Variants in PPP3R1 observed in about 807,000 individuals in gnomAD.
The protein encoded by PPP3R1 is protein phosphatase 3 regulatory subunit B, alpha.
PPP3R1 carries 5 observed loss-of-function variants against 22.6 expected under a neutral mutation model. The ratio of observed to expected loss-of-function variants is 0.22; its 90% CI spans 0.12 to 0.46. The LOEUF is 0.46. Ranked by LOEUF, PPP3R1 falls within the 20% of genes least tolerant of loss-of-function variation. The pLI, the probability that PPP3R1 is intolerant of heterozygous loss-of-function variation, is 0.99. For missense variants in PPP3R1, 61 were observed against 203.2 expected (o/e 0.30, Z 4.25); for synonymous variants, 56 against 65.2 (o/e 0.86, Z 0.68).
At chr2:68,184,693 C>A (rs1399911975) in intron 5 of PPP3R1, among the ~76,000 whole-genome samples, 1 of 152,186 alleles carries the variant, frequency 6.6e-6, no homozygotes, top group Non-Finnish European at 1.5e-5. Context: ...GTTACAAGCG[C>A]TTGATCAATG....
chr2:68,226,571 A>AAT (rs1183780907), intron 1 of PPP3R1, among the ~76,000 whole-genome samples: 3 of 152,178 alleles, frequency 2.0e-5, no homozygotes, highest in Admixed American at 6.5e-5. Flanking sequence ...AATCTTACAG[A>AAT]ATCATGAGAC....
chr2:68,211,922 T>C (rs770377520), intron 2 of PPP3R1, among the ~76,000 whole-genome samples: 33 of 152,288 alleles, frequency 2.2e-4, no homozygotes, highest in Admixed American at 1.2e-3. Context: ...TTCTATCACA[T>C]CTGCAGTTAT....
rs954029852 is a variant in PPP3R1 at position 68,180,647 on chromosome 2, GTATA to G, written c.*312_*315del. On this transcript the variant is annotated 3_prime_UTR_variant, in exon 6 of 6. Coordinates refer to ENST00000234310, the MANE Select transcript of PPP3R1 (RefSeq NM_000945.4). ...TATCTATATATAAATATTTACATAT[GTATA>G]TATAGATACTTTCTTGTTATAAAAG... 1 of 188,696 alleles carries G rather than the reference GTATA, an allele frequency of 5.3e-6. No individual in the cohort carries two copies. Among genetic ancestry groups the G allele is most frequent in the Admixed American group, 5.8e-5 (1 of 17,238 alleles). 11.7% of individuals were successfully genotyped at this position (188,696 alleles called of 1,614,324 possible). A position where few individuals can be genotyped will look rare whatever the true frequency, so the allele number is the denominator to read the frequency against.
intron 4 of PPP3R1, 71 bp from the exon 5 acceptor site, chr2:68,186,723 A>G: frequency 7.6e-7 from 1 of 1,321,082 alleles, no homozygotes; most frequent in Admixed American, 2.4e-5. Context: ...GTAAGAAAGA[A>G]AATAGTAAAC....
At chr2:68,221,283 T>C (rs538044422) in intron 1 of PPP3R1, among the ~76,000 whole-genome samples, 9 of 151,668 alleles carry the variant, frequency 5.9e-5, no homozygotes, top group African/African-American at 1.9e-4. Context: ...TGAGCAGAGA[T>C]TGCACCACTG....
chr2:68,231,961 T>C (rs1669909880), intron 1 of PPP3R1, among the ~76,000 whole-genome samples: 1 of 151,526 alleles, frequency 6.6e-6, no homozygotes, highest in African/African-American at 2.4e-5. Context: ...GCCAATCTAA[T>C]CTTAAGATCT....
intron 5 of PPP3R1, among the ~76,000 whole-genome samples, chr2:68,183,886 T>C (rs1018113934): frequency 6.6e-6 from 1 of 152,168 alleles, no homozygotes; most frequent in Admixed American, 6.5e-5. Context: ...AGCTATACTT[T>C]GAATGATCTG....
chr2:68,223,350 C>T (rs562255001), intron 1 of PPP3R1, among the ~76,000 whole-genome samples: 1 of 152,226 alleles, frequency 6.6e-6, no homozygotes. Context: ...GAGCTGAGAT[C>T]ACGCCACTAC....
At position 68,252,190 on chromosome 2, in the gene PPP3R1, G is replaced by A. The variant is rs1670380369; in HGVS notation, c.-63C>T. The A allele has an allele frequency of 6.9e-6, 9 of 1,300,266 alleles. No individual in the cohort carries two copies. The highest frequency in any genetic ancestry group is 3.1e-5 in the African/African-American group (2 of 65,108). The allele number at this position is 1,300,266 out of a possible 1,614,324, so 80.5% of individuals were successfully genotyped here. ...TCGGAGAAGTGTTGCGCTCAGGCTG[G>A]CTCGCAGGAAACGGCGGCGGCGGCC... On this transcript the variant is annotated 5_prime_UTR_variant, in exon 1 of 6. Coordinates refer to ENST00000234310, the MANE Select transcript of PPP3R1 (RefSeq NM_000945.4).
chr2:68,229,027 TG>T (rs940778347), intron 1 of PPP3R1, among the ~76,000 whole-genome samples: 1 of 152,116 alleles, frequency 6.6e-6, no homozygotes, highest in Non-Finnish European at 1.5e-5. Flanking sequence ...TTATGTTTTC[TG>T]GGGGGTTTTC....
rs569801745 is a variant in PPP3R1, at chr2:68,252,155, G to C, written c.-28C>G. On this transcript the variant is annotated 5_prime_UTR_variant, in exon 1 of 6. Transcript: ENST00000234310. ...TGCTCGGCGGGTCGGCGGCTCGCTG[G>C]CTCGCTGGCTCGGAGAAGTGTTGCG... 7.1e-6 allele frequency: 10 copies of C among 1,412,350 alleles called. No individual in the cohort carries two copies. The highest frequency in any genetic ancestry group is 9.4e-6 in the Non-Finnish European group (10 of 1,061,894). The allele number at this position is 1,412,350 out of a possible 1,614,324, so 87.5% of individuals were successfully genotyped here. A position where few individuals can be genotyped will look rare whatever the true frequency, so the allele number is the denominator to read the frequency against.
At chr2:68,200,272 C>T (rs1674947936) in intron 2 of PPP3R1, among the ~76,000 whole-genome samples, 1 of 152,146 alleles carries the variant, frequency 6.6e-6, no homozygotes, top group Non-Finnish European at 1.5e-5. Context: ...ATTACTGATA[C>T]TGTGATTGTG....
At chr2:68,241,672 C>G (rs749781221) in intron 1 of PPP3R1, among the ~76,000 whole-genome samples, 1 of 151,932 alleles carries the variant, frequency 6.6e-6, no homozygotes, top group Non-Finnish European at 1.5e-5. Flanking sequence ...GGTGAAATAC[C>G]GTCTCTACTA....
chr2:68,218,284 ACTC>A (rs1319966212), intron 1 of PPP3R1, among the ~76,000 whole-genome samples: 1 of 151,978 alleles, frequency 6.6e-6, no homozygotes, highest in South Asian at 2.1e-4. Context: ...TGGCTTTTAA[ACTC>A]CTCAACGTAC....
intron 1 of PPP3R1, among the ~76,000 whole-genome samples, chr2:68,251,824 G>C (rs1670365115): frequency 6.7e-6 from 1 of 149,672 alleles, no homozygotes; most frequent in African/African-American, 2.4e-5. Flanking sequence ...TGCCCGCGGG[G>C]GTCGATGCCG....
intron 1 of PPP3R1, among the ~76,000 whole-genome samples, chr2:68,238,791 G>A (rs1180440754): frequency 1.3e-5 from 2 of 152,076 alleles, no homozygotes; most frequent in East Asian, 3.8e-4. Flanking sequence ...GTGGCATTTG[G>A]GGGATCTAAA....
chr2:68,227,177 C>A (rs896561799), intron 1 of PPP3R1, among the ~76,000 whole-genome samples: 1 of 151,954 alleles, frequency 6.6e-6, no homozygotes, highest in East Asian at 1.9e-4. Context: ...CAAAGAGAAC[C>A]AAGTTTTTTC....
chr2:68,195,849 G>C (rs966330180), intron 2 of PPP3R1, among the ~76,000 whole-genome samples: 1 of 150,452 alleles, frequency 6.6e-6, no homozygotes, highest in Non-Finnish European at 1.5e-5. Context: ...GTCTTTATTA[G>C]ATCTTCAGGT....
In PPP3R1 at chr2:68,180,579, A is replaced by T. The variant is rs183274593; in HGVS notation, c.*384T>A. ...ATTGTTTTGTTTCTGAATCAAGTAT[A>T]TTAAATTAAAGCCAACCTACTACAT... On this transcript the variant is annotated 3_prime_UTR_variant, in exon 6 of 6. Transcript: ENST00000234310. 266 of 153,440 alleles carry T rather than the reference A, an allele frequency of 1.7e-3. 2 individuals carry two copies. The South Asian group carries it at 0.025, about 14-fold the overall frequency. 9.5% of individuals were successfully genotyped at this position (153,440 alleles called of 1,614,324 possible).
Sources: gnomAD v4.1 joint callset for allele counts (sites outside exome capture counted in the v4.1 genomes callset) on GRCh38, gnomAD v4.1.1 for gene constraint, MANE v1.5 for transcripts, NCBI Gene and HGNC (gene_info 2026-07-23, HGNC 2026-07-21) for gene names.